The following PRX variants were observed in gnomAD, a reference collection of about 807,000 sequenced individuals.
PRX encodes the protein periaxin.
In PRX, 24 loss-of-function variants were observed where a neutral mutation model predicts 29.6. That is an observed-to-expected ratio of 0.81 (90% CI 0.59 to 1.14). PRX has a LOEUF of 1.14. Ranked by LOEUF, PRX falls within the 50% of genes most tolerant of loss-of-function variation. The pLI, the probability that PRX is intolerant of heterozygous loss-of-function variation, is 0.00. For missense variants in PRX, 1,838 were observed against 1,926.4 expected (o/e 0.95, Z 0.86); for synonymous variants, 772 against 831.7 (o/e 0.93, Z 1.24).
rs545062549 is a variant in PRX at position 40,394,271 on chromosome 19, C to T, written c.4081G>A (p.Glu1361Lys). Residue 1361 changes from glutamate (E) to lysine (K), a missense_variant, in exon 7 of 7, where the codon GAG (glutamate) becomes AAG (lysine). This residue lies in a region of PRX where 1,143 missense variants were observed against 1,193.0 expected (regional missense o/e 0.96). Transcript: ENST00000324001. This position sits in a 1 kb window ranked among gnomAD's most constrained non-coding sequence, Gnocchi z 5.8. ...SPEEEEEEEE[E>K]GSGEGASGRR... is the part of the protein sequence containing the mutation. The stretch of plus-strand genomic sequence containing the variant: ...CCCGAGGCCCCTTCCCCACTGCCCT[C>T]TTCCTCCTCCTCCTCCTCCTCCTCG... The T allele has an allele frequency of 6.2e-7, 1 of 1,612,334 alleles. No individual in the cohort carries two copies. Among genetic ancestry groups the T allele is most frequent in the Admixed American group, 1.7e-5 (1 of 59,622 alleles).
At chr19:40,405,884 G>C (rs1163491679) in intron 4 of PRX, among the ~76,000 whole-genome samples, 1 of 151,100 alleles carries the variant, frequency 6.6e-6, no homozygotes, top group African/African-American at 2.4e-5. Context: ...TGATCCACCC[G>C]CCTCAGCTTC....
rs1211706484 is a variant in PRX, at chr19:40,395,009, C to G, written c.3343G>C (p.Ala1115Pro). The G allele has an allele frequency of 3.7e-6, 6 of 1,609,592 alleles. No homozygotes were observed. Among genetic ancestry groups the G allele is most frequent in the Non-Finnish European group, 5.1e-6 (6 of 1,179,918 alleles). The change falls in exon 7 of 7, where the codon GCT (alanine) becomes CCT (proline). Residue 1115 changes from alanine (A) to proline (P), a missense_variant. Around this residue, in one of 3 missense-constraint regions of PRX, gnomAD observed 1,143 missense variants for 1,193.0 expected, o/e 0.96. Coordinates refer to ENST00000324001, the MANE Select transcript of PRX (RefSeq NM_181882.3). ...GAQEEGRAEG[A>P]VAVSGMQLSG... ...AGCTGCATTCCACTGACGGCCACAG[C>G]CCCCTCTGCCCTCCCTTCCTCCTGG...
chr19:40,408,270 G>A lies in PRX; in HGVS notation c.-198-14C>T, dbSNP rs886054442. On this transcript the variant is annotated splice_polypyrimidine_tract_variant and intron_variant, in intron 2 of 6. Transcript: ENST00000324001. ...GGTTCTTGCTGCCTGCCAGGGAAAG[G>A]CCAGGATGTGAAGCTCCAGGCAGGC... 16 of 494,794 alleles carry A rather than the reference G, an allele frequency of 3.2e-5. No homozygotes were observed. Among genetic ancestry groups the A allele is most frequent in the Non-Finnish European group, 5.2e-5 (14 of 270,154 alleles). 30.7% of individuals were successfully genotyped at this position (494,794 alleles called of 1,614,324 possible).
intron 1 of PRX, among the ~76,000 whole-genome samples, chr19:40,410,327 C>T (rs1186839045): frequency 1.3e-5 from 2 of 152,206 alleles, no homozygotes; most frequent in Admixed American, 6.5e-5. Flanking sequence ...CACAATGGCC[C>T]GTCTGCTGTG....
At chr19:40,403,669 G>T in intron 5 of PRX, 37 bp downstream of exon 5, 1 of 1,441,088 alleles carries the variant, frequency 6.9e-7, no homozygotes. Flanking sequence ...CCCCGCCCCC[G>T]CAGTTCGACC....
rs756173103 is a variant in PRX, at chr19:40,396,245, C to G, written c.2107G>C (p.Asp703His). 23 of 1,613,584 alleles carry G rather than the reference C, an allele frequency of 1.4e-5. No individual in the cohort carries two copies. Among genetic ancestry groups the G allele is most frequent in the Middle Eastern group, 1.7e-4 (1 of 6,058 alleles). ...LPKVPEMAVP[D>H]VHLPEVQLPK... The stretch of plus-strand genomic sequence containing the variant: ...AGCTGCACCTCTGGGAGGTGCACAT[C>G]GGGCACGGCCATTTCAGGCACCTTG... Residue 703 changes from aspartate to histidine, a missense_variant, in exon 7 of 7, where the codon GAT (aspartate) becomes CAT (histidine). Transcript: ENST00000324001.
At position 40,398,472 on chromosome 19, in the gene PRX, G is replaced by A. The variant is rs2079463363; in HGVS notation, c.381+148C>T. ...CCTTCCCGGGGAAGAGTTTGGGGCA[G>A]AGAGGAAGGGGCAGAGGGTGGAATT... On this transcript the variant is annotated intron_variant, in intron 6 of 6. Transcript: ENST00000324001. The surrounding 1 kb of genome is among the most constrained non-coding windows in gnomAD (Gnocchi z 6.3). 1 of 1,533,960 alleles carries A rather than the reference G, an allele frequency of 6.5e-7. No individual in the cohort carries two copies. Among genetic ancestry groups the A allele is most frequent in the Non-Finnish European group, 8.7e-7 (1 of 1,143,898 alleles).
At position 40,396,012 on chromosome 19, in the gene PRX, C is replaced by G; in HGVS notation, c.2340G>C (p.Pro780=). 6.2e-7 allele frequency: 1 copy of G among 1,613,988 alleles called. No individual in the cohort carries two copies. Among genetic ancestry groups the G allele is most frequent in the Non-Finnish European group, 8.5e-7 (1 of 1,180,040 alleles). Residue 780 remains proline, a synonymous_variant, in exon 7 of 7, where the codon CCG becomes CCC. Transcript: ENST00000324001. ...KAPEVKLPRA[P]EVQLKATKAE... ...CCTTGGTGGCCTTTAGCTGCACCTC[C>G]GGAGCCCTGGGCAGCTTCACCTCTG... is the stretch of plus-strand genomic sequence containing the variant.
chr19:40,408,328 GC>G lies in PRX; in HGVS notation c.-199+11del. The G allele has an allele frequency of 2.6e-6, 1 of 382,008 alleles. No homozygotes were observed. The highest frequency in any genetic ancestry group is 5.0e-6 in the Non-Finnish European group (1 of 200,998). The allele number at this position is 382,008 out of a possible 1,614,324, so 23.7% of individuals were successfully genotyped here. Reference sequence around the variant, plus strand: ...GGGTGGGGAGGGGCATATGGCACCAGCCTGCGCTCACCTGAGGGTCACCTCC... The same window carrying G: ...GGGTGGGGAGGGGCATATGGCACCAGCTGCGCTCACCTGAGGGTCACCTCC... On this transcript the variant is annotated intron_variant, in intron 2 of 6. Coordinates refer to ENST00000324001, the MANE Select transcript of PRX (RefSeq NM_181882.3).
chr19:40,408,535 G>A (rs1279198988), intron 1 of PRX, among the ~76,000 whole-genome samples, 152 bp from the exon 2 acceptor site: 6 of 152,182 alleles, frequency 3.9e-5, no homozygotes, highest in Non-Finnish European at 1.5e-5. Flanking sequence ...GACTCAGCTG[G>A]ACAACACACG....
At chr19:40,413,134 G>T (rs1322282005) in intron 1 of PRX, among the ~76,000 whole-genome samples, 3 of 152,184 alleles carry the variant, frequency 2.0e-5, no homozygotes, top group African/African-American at 7.2e-5. Context: ...CACAAAGGAT[G>T]AAGTATCTTG....
intron 4 of PRX, among the ~76,000 whole-genome samples, chr19:40,406,706 G>C (rs1244385454): frequency 6.6e-6 from 1 of 151,656 alleles, no homozygotes; most frequent in African/African-American, 2.4e-5. Flanking sequence ...GGCTTCCTCA[G>C]CACCAGACTC....
Position 40,403,738 on chromosome 19 carries a change from G to C in PRX, c.152C>G (p.Ser51Ter). The C allele has an allele frequency of 6.4e-7, 1 of 1,569,630 alleles. No homozygotes were observed. Among genetic ancestry groups the C allele is most frequent in the Non-Finnish European group, 8.6e-7 (1 of 1,158,860 alleles). Residue 51 changes from serine to a stop codon, truncating the protein, a stop_gained, in exon 5 of 7, where the codon TCA (serine) becomes TGA (stop). Transcript: ENST00000324001. LOFTEE classifies it high-confidence loss of function. Reference protein sequence around the residue: ...GIFVRELREDSPAARSLSLQE... With the variant: ...GIFVRELRED ...CAGGCTGAGGCTCCTGGCGGCGGGT[G>C]AGTCCTCGCGCAGCTCCCGAACGAA...
At position 40,394,947 on chromosome 19, in the gene PRX, G is replaced by T; in HGVS notation, c.3405C>A (p.Val1135=). 1 of 1,609,034 alleles carries T rather than the reference G, an allele frequency of 6.2e-7. No individual in the cohort carries two copies. The change falls in exon 7 of 7, where the codon GTC becomes GTA. Residue 1135 remains valine, a synonymous_variant. Coordinates refer to ENST00000324001, the MANE Select transcript of PRX (RefSeq NM_181882.3). This position sits in a 1 kb window ranked among gnomAD's most constrained non-coding sequence, Gnocchi z 5.8. ...GLKVSTAGQV[V]TEGHDAGLRM... is the part of the protein sequence containing the mutation. ...TCAGCCCCGCGTCATGGCCCTCAGT[G>T]ACCACCTGCCCGGCTGTGGACACCT...
At position 40,403,782 on chromosome 19, in the gene PRX, G is replaced by T. The variant is rs771407657; in HGVS notation, c.108C>A (p.Gly36=). 6.9e-6 allele frequency: 11 copies of T among 1,604,372 alleles called. No homozygotes were observed. The Admixed American group carries it at 8.4e-5, about 12-fold the overall frequency. ...GAACGAAGATTCCCTCTTTGCCGCC[G>T]CCCGCTACGTTGATGCCGCTGACCC... ...QTGVSGINVA[G]GGKEGIFVRE... Residue 36 remains glycine (G), a synonymous_variant, in exon 5 of 7, where the codon GGC becomes GGA. Coordinates refer to ENST00000324001, the MANE Select transcript of PRX (RefSeq NM_181882.3).
At position 40,396,205 on chromosome 19, in the gene PRX, TCA is replaced by T; in HGVS notation, c.2145_2146del (p.Cys715Ter). 6.2e-7 allele frequency: 1 copy of T among 1,611,462 alleles called. No homozygotes were observed. Among genetic ancestry groups the T allele is most frequent in the Non-Finnish European group, 8.5e-7 (1 of 1,179,366 alleles). The stretch of plus-strand genomic sequence containing the variant: ...GAGCTTCATGTCAGGGACTTTCATT[TCA>T]CAGACTTTGGGCAGCTGCACCTCTG... On this transcript the variant is annotated stop_gained and frameshift_variant, in exon 7 of 7. Transcript: ENST00000324001. LOFTEE classifies it low-confidence loss of function (END_TRUNC).
At chr19:40,407,845 G>C in intron 4 of PRX, 61 bp downstream of exon 4, 1 of 1,607,100 alleles carries the variant, frequency 6.2e-7, no homozygotes, top group Non-Finnish European at 8.5e-7. Flanking sequence ...TCTCCTTGCT[G>C]CCCTAGTCTG....
At chr19:40,404,555 G>C (rs573290827) in intron 4 of PRX, among the ~76,000 whole-genome samples, 1 of 151,682 alleles carries the variant, frequency 6.6e-6, no homozygotes, top group Non-Finnish European at 1.5e-5. Context: ...TTTGGAGCTG[G>C]GGCGGAGACC....
Position 40,395,670 on chromosome 19 carries a change from C to T in PRX, c.2682G>A (p.Val894=). 6.2e-7 allele frequency: 1 copy of T among 1,614,182 alleles called. No individual in the cohort carries two copies. The highest frequency in any genetic ancestry group is 8.5e-7 in the Non-Finnish European group (1 of 1,180,026). ...TTTCAACAGAGGGCACTCGGAAGCC[C>T]ACTTCCCTGACCCCTGCTGCCACCT... The part of the protein sequence containing the change: ...GPEVAAGVRE[V]GFRVPSVEIV... Residue 894 remains valine (V), a synonymous_variant, in exon 7 of 7, where the codon GTG becomes GTA. Transcript: ENST00000324001.
Sources: gnomAD v4.1 joint callset for allele counts (sites outside exome capture counted in the v4.1 genomes callset) on GRCh38, gnomAD v4.1.1 for gene constraint, gnomAD v4.1.1 regional missense constraint, Gnocchi (gnomAD v3.1) non-coding constraint, MANE v1.5 for transcripts, NCBI Gene and HGNC (gene_info 2026-07-23, HGNC 2026-07-21) for gene names.